Variants in ATG9B observed in about 807,000 individuals in gnomAD.
The protein encoded by ATG9B is autophagy related 9B.
Under a neutral mutation model 92.9 loss-of-function variants are expected in ATG9B, and 92 were observed. The ratio of observed to expected loss-of-function variants is 0.99; its 90% CI spans 0.84 to 1.18. The LOEUF is 1.18. Ranked by LOEUF, ATG9B falls within the 50% of genes most tolerant of loss-of-function variation. The pLI is 0.00. For missense variants in ATG9B, 1,344 were observed against 1,235.0 expected (o/e 1.09, Z -1.32); for synonymous variants, 599 against 551.4 (o/e 1.09, Z -1.21).
At chr7:151,013,808 T>A, downstream of ATG9B, 1 of 1,610,344 alleles carries the variant, frequency 6.2e-7, no homozygotes, top group Non-Finnish European at 8.5e-7. Context: ...CATGTTTGTC[T>A]GCGGCGATGT....
rs1462042996 is a variant in ATG9B, at chr7:151,015,704, G to A, written c.*24C>T. Reference sequence around the variant, plus strand: ...CCTCCAATCTCCTGTGGCTGCCGAAGCCAGGGTACCTGTGGGAGGAGACGG... The same window carrying A: ...CCTCCAATCTCCTGTGGCTGCCGAAACCAGGGTACCTGTGGGAGGAGACGG... On this transcript the variant is annotated 3_prime_UTR_variant, in exon 14 of 14. Coordinates refer to ENST00000639579, the MANE Select transcript of ATG9B (RefSeq NM_001317056.2). The A allele has an allele frequency of 4.8e-6, 4 of 835,960 alleles. No homozygotes were observed. The highest frequency in any genetic ancestry group is 6.8e-6 in the Non-Finnish European group (4 of 587,912). The allele number at this position is 835,960 out of a possible 1,614,324, so 51.8% of individuals were successfully genotyped here.
Position 151,023,510 on chromosome 7 carries a change from G to A in ATG9B, c.595-1C>T, listed in dbSNP as rs1239880473. 1.2e-6 allele frequency: 2 copies of A among 1,612,648 alleles called. No homozygotes were observed. The highest frequency in any genetic ancestry group is 1.7e-6 in the Non-Finnish European group (2 of 1,179,396). On this transcript the variant is annotated splice_acceptor_variant, in intron 2 of 13. Transcript: ENST00000639579. LOFTEE classifies it high-confidence loss of function. Reference sequence around the variant, plus strand: ...CATTCCGCTGGTGGTAGCTGTAGATGTGGCTGCGTGTCAAGGAACAAGCCT... The same window carrying A: ...CATTCCGCTGGTGGTAGCTGTAGATATGGCTGCGTGTCAAGGAACAAGCCT...
chr7:151,019,170 C>T lies in ATG9B; in HGVS notation c.1168G>A (p.Ala390Thr). ...RCPLPWGGSA[A>T]FLSRGLALNV... ...AGCGCCAGGCCGCGGCTGAGGAAAG[C>T]CGCACTGCCTCCCCAGGGCAGCGGG... is the stretch of plus-strand genomic sequence containing the variant. The change falls in exon 6 of 14, where the codon GCT (alanine) becomes ACT (threonine). Residue 390 changes from alanine (A) to threonine (T), a missense_variant. Ala to Thr is a moderately conservative substitution (Grantham distance 58, BLOSUM62 0). Transcript: ENST00000639579. 6.5e-7 allele frequency: 1 copy of T among 1,536,654 alleles called. No individual in the cohort carries two copies. The highest frequency in any genetic ancestry group is 2.4e-5 in the East Asian group (1 of 40,898).
Position 151,016,688 on chromosome 7 carries a change from C to G in ATG9B, c.2423G>C (p.Ser808Thr). ...ASISRIAQDP[S>T]SVSPGGTGGQ... The stretch of plus-strand genomic sequence containing the variant: ...CTGCATCTCAGCCTCCACTCCTCAC[C>G]TGGGGTCCTGGGCAATTCGGGAAAT... The change falls in exon 10 of 14, where the codon AGC (serine) becomes ACC (threonine). Residue 808 changes from serine (S) to threonine (T), a missense_variant and splice_region_variant. Ser to Thr is a moderately conservative substitution (Grantham distance 58). Transcript: ENST00000639579. 8 of 1,585,460 alleles carry G rather than the reference C, an allele frequency of 5.0e-6. No homozygotes were observed. Among genetic ancestry groups the G allele is most frequent in the Non-Finnish European group, 6.9e-6 (8 of 1,164,038 alleles).
At chr7:151,021,028 C>T in intron 5 of ATG9B, 160 bp downstream of exon 5, 1 of 825,656 alleles carries the variant, frequency 1.2e-6, no homozygotes, top group South Asian at 1.7e-5. Flanking sequence ...TGGTAGCCCC[C>T]TCCTGACATT....
At chr7:151,012,800 C>T (rs981957245), downstream of ATG9B, 9 of 343,302 alleles carry the variant, frequency 2.6e-5, no homozygotes, top group African/African-American at 1.7e-4. Flanking sequence ...GAGGTCTGTC[C>T]AAGACCTAAG....
rs753731463 is a variant in ATG9B, at chr7:151,023,995, G to C, written c.429C>G (p.Gly143=). The change falls in exon 1 of 14, where the codon GGC becomes GGG. Residue 143 remains glycine (G), a synonymous_variant. Transcript: ENST00000639579. ...CATAATCCTGTTCAGGGATCAAAGG[G>C]CCTACCCGCAGCCCAGGAGAGTCCT... The part of the protein sequence containing the change: ...CPQDSPGLRV[G]PLIPEQDYER... 6.3e-6 allele frequency: 10 copies of C among 1,594,162 alleles called. 1 individual carries two copies. The South Asian group carries it at 9.1e-5, about 14-fold the overall frequency.
chr7:151,015,687 C>G lies in ATG9B; in HGVS notation c.*41G>C, dbSNP rs1795448596. ...GTGTTTTTCTACTCCACCCTCCAAT[C>G]TCCTGTGGCTGCCGAAGCCAGGGTA... On this transcript the variant is annotated 3_prime_UTR_variant, in exon 14 of 14. Coordinates refer to ENST00000639579, the MANE Select transcript of ATG9B (RefSeq NM_001317056.2). 1.5e-6 allele frequency: 1 copy of G among 653,566 alleles called. No homozygotes were observed. The highest frequency in any genetic ancestry group is 2.4e-6 in the Non-Finnish European group (1 of 424,810). The allele number at this position is 653,566 out of a possible 1,614,324, so 40.5% of individuals were successfully genotyped here. A position where few individuals can be genotyped will look rare whatever the true frequency, so the allele number is the denominator to read the frequency against.
Position 151,024,402 on chromosome 7 carries a change from C to T in ATG9B, c.22G>A (p.Gly8Arg), listed in dbSNP as rs191759925. The T allele has an allele frequency of 9.4e-5, 130 of 1,376,228 alleles. 1 individual carries two copies. The South Asian group carries it at 1.6e-3, about 17-fold the overall frequency. The allele number at this position is 1,376,228 out of a possible 1,614,324, so 85.3% of individuals were successfully genotyped here. A position where few individuals can be genotyped will look rare whatever the true frequency, so the allele number is the denominator to read the frequency against. The change falls in exon 1 of 14, where the codon GGG becomes AGG. Residue 8 changes from glycine to arginine, a missense_variant. Coordinates refer to ENST00000639579, the MANE Select transcript of ATG9B (RefSeq NM_001317056.2). ...CGCCCCAGCCGCCTTCTTCTCCCCC[C>T]CCAGCCCATTCGGCTCACCATCAGG... MVSRMGW[G>R]GRRRRLGRWG...
intron 11 of ATG9B, 45 bp from the exon 12 acceptor site, chr7:151,016,280 C>A (rs143473622): frequency 3.8e-4 from 554 of 1,474,884 alleles, no homozygotes; most frequent in Non-Finnish European, 4.8e-4. Context: ...CCAAGGAGGG[C>A]AGGGCCAAGC....
At chr7:151,016,642 C>T in intron 10 of ATG9B, 46 bp downstream of exon 10, 1 of 1,544,986 alleles carries the variant, frequency 6.5e-7, no homozygotes, top group Non-Finnish European at 8.7e-7. Context: ...ACAGGATCAG[C>T]CCACCCCCCT....
At chr7:151,013,836 T>C (rs772164171), downstream of ATG9B, 2 of 1,607,538 alleles carry the variant, frequency 1.2e-6, no homozygotes, top group Non-Finnish European at 1.7e-6. Context: ...GCAACCAACG[T>C]CCTGCAGACC....
At chr7:151,013,241 C>T, downstream of ATG9B, 1 of 1,613,254 alleles carries the variant, frequency 6.2e-7, no homozygotes, top group African/African-American at 1.3e-5. Context: ...GGCTGCAGCC[C>T]ACTCCCATGA....
intron 5 of ATG9B, 193 bp downstream of exon 5, chr7:151,020,995 T>G: frequency 1.6e-6 from 1 of 623,714 alleles, no homozygotes; most frequent in Non-Finnish European, 2.8e-6. Context: ...TCCCTTAGGG[T>G]AAGGGCCATG....
downstream of ATG9B, chr7:151,014,683 AC>A (rs1297729506): frequency 6.8e-6 from 1 of 145,994 alleles, no homozygotes; most frequent in Admixed American, 7.1e-5. Context: ...ATCTCAGCTC[AC>A]TGCAACCTCC....
intron 5 of ATG9B, 100 bp downstream of exon 5, chr7:151,021,088 T>C (rs186879475): frequency 1.4e-6 from 2 of 1,414,894 alleles, no homozygotes; most frequent in East Asian, 4.6e-5. Context: ...TTCTGCCCTC[T>C]TTCCAGTTGG....
In ATG9B at chr7:151,023,679, A is replaced by G; in HGVS notation, c.594+8T>C. ...ATGCCACCTCTGCAGGCCTAGCGCA[A>G]AGGATATCTTGGTGAAGAAACTGTC... On this transcript the variant is annotated splice_region_variant and intron_variant, in intron 2 of 13. Coordinates refer to ENST00000639579, the MANE Select transcript of ATG9B (RefSeq NM_001317056.2). The G allele has an allele frequency of 6.2e-7, 1 of 1,613,984 alleles. No homozygotes were observed.
chr7:151,018,949 A>C lies in ATG9B; in HGVS notation c.1389T>G (p.Tyr463Ter). Reference protein sequence around the residue: ...VLAWQVLHVFYSHVELLRREP... With the variant: ...VLAWQVLHVF Reference sequence around the variant, plus strand: ...CGCGCCGCAGCAGCTCCACGTGGCTATAGAAGACGTGCAGAACCTGCCAGG... The same window carrying C: ...CGCGCCGCAGCAGCTCCACGTGGCTCTAGAAGACGTGCAGAACCTGCCAGG... Residue 463 changes from tyrosine to a stop codon, truncating the protein, a stop_gained, in exon 6 of 14, where the codon TAT becomes TAG. Coordinates refer to ENST00000639579, the MANE Select transcript of ATG9B (RefSeq NM_001317056.2). LOFTEE classifies it high-confidence loss of function. This position sits in a 1 kb window ranked among gnomAD's most constrained non-coding sequence, Gnocchi z 4.7. 6.4e-7 allele frequency: 1 copy of C among 1,569,988 alleles called. No homozygotes were observed. Among genetic ancestry groups the C allele is most frequent in the Non-Finnish European group, 8.6e-7 (1 of 1,164,492 alleles).
In ATG9B at chr7:151,018,026, A is replaced by G; in HGVS notation, c.1897T>C (p.Ser633Pro). ...AGAAACAGCGGGGTGAGGAGCGGGG[A>G]CAGGAGCTCCTCCAGGAGGGAGACC... is the stretch of plus-strand genomic sequence containing the variant. ...RAVSLLEELL[S>P]PLLTPLFLLF... Residue 633 changes from serine to proline, a missense_variant, in exon 8 of 14, where the codon TCC (serine) becomes CCC (proline). Ser to Pro is a moderately conservative substitution (Grantham distance 74). Coordinates refer to ENST00000639579, the MANE Select transcript of ATG9B (RefSeq NM_001317056.2). This position sits in a 1 kb window ranked among gnomAD's most constrained non-coding sequence, Gnocchi z 4.7. The G allele has an allele frequency of 1.9e-6, 3 of 1,595,926 alleles. No individual in the cohort carries two copies. Among genetic ancestry groups the G allele is most frequent in the Non-Finnish European group, 2.6e-6 (3 of 1,170,796 alleles).
Sources: gnomAD v4.1 joint callset for allele counts on GRCh38, gnomAD v4.1.1 for gene constraint, Gnocchi (gnomAD v3.1) non-coding constraint, MANE v1.5 for transcripts, NCBI Gene and HGNC (gene_info 2026-07-23, HGNC 2026-07-21) for gene names.